Variants in ATRNL1 observed in about 807,000 individuals in gnomAD.
ATRNL1 encodes attractin-like protein 1.
Under a neutral mutation model 182.7 loss-of-function variants are expected in ATRNL1, and 95 were observed. The observed-to-expected ratio is 0.52, with a 90% confidence interval of 0.44 to 0.62. ATRNL1 has a LOEUF of 0.62. ATRNL1 is among the 20% of genes least tolerant of loss of function. ATRNL1 has a pLI of 0.00. For synonymous variants in ATRNL1, 576 were observed against 568.3 expected (o/e 1.01, Z -0.19); for missense variants, 1,471 against 1,679.5 (o/e 0.88, Z 2.17).
chr10:115,593,893 G>A (rs3858323), intron 26 of ATRNL1, among the ~76,000 whole-genome samples: 61,213 of 151,554 alleles, frequency 0.4, 13,189 homozygotes, highest in Middle Eastern at 0.49. Flanking sequence ...TTTTTCTACA[G>A]GTAGTATACA....
intron 27 of ATRNL1, among the ~76,000 whole-genome samples, chr10:115,741,208 A>C (rs1948130636): frequency 6.6e-6 from 1 of 152,208 alleles, no homozygotes; most frequent in African/African-American, 2.4e-5. Context: ...TAATGCCAAA[A>C]GGACAATAAG....
intron 14 of ATRNL1, among the ~76,000 whole-genome samples, chr10:115,284,817 CAATA>C (rs1852530462): frequency 6.6e-6 from 1 of 151,934 alleles, no homozygotes; most frequent in South Asian, 2.1e-4. Context: ...AAATATAAAA[CAATA>C]AAAATAAAAT....
chr10:115,101,354 G>A (rs960965290), intron 1 of ATRNL1, among the ~76,000 whole-genome samples: 7 of 151,494 alleles, frequency 4.6e-5, no homozygotes, highest in African/African-American at 1.7e-4. Context: ...TTTTTTAGAT[G>A]CCTTTTATCA....
chr10:115,389,905 G>A (rs1279547593), intron 19 of ATRNL1, among the ~76,000 whole-genome samples: 1 of 151,890 alleles, frequency 6.6e-6, no homozygotes, highest in Non-Finnish European at 1.5e-5. Flanking sequence ...CGTGTGAGGT[G>A]ATAACTCATT....
chr10:115,691,599 G>T (rs923330003), intron 26 of ATRNL1, among the ~76,000 whole-genome samples: 1 of 152,104 alleles, frequency 6.6e-6, no homozygotes, highest in South Asian at 2.1e-4. Flanking sequence ...GTGCATGCCT[G>T]CAGTCCCAGC....
chr10:115,575,135 A>T (rs1854627805), intron 26 of ATRNL1, among the ~76,000 whole-genome samples: 2 of 152,114 alleles, frequency 1.3e-5, no homozygotes, highest in South Asian at 4.1e-4. Flanking sequence ...ATATTATTTT[A>T]AAATATCAGA....
chr10:115,541,830 A>C (rs1210427605), intron 25 of ATRNL1, among the ~76,000 whole-genome samples: 2 of 152,206 alleles, frequency 1.3e-5, no homozygotes, highest in Non-Finnish European at 2.9e-5. Flanking sequence ...TTTGAGAAGG[A>C]GAGAATGAAT....
At chr10:115,806,957 G>T (rs1949933656) in intron 27 of ATRNL1, among the ~76,000 whole-genome samples, 1 of 152,012 alleles carries the variant, frequency 6.6e-6, no homozygotes, top group African/African-American at 2.4e-5. Flanking sequence ...TCTTACTTTA[G>T]CTATCCCTTT....
intron 20 of ATRNL1, among the ~76,000 whole-genome samples, chr10:115,412,540 C>T (rs1272403397): frequency 6.6e-6 from 1 of 152,156 alleles, no homozygotes; most frequent in African/African-American, 2.4e-5. Flanking sequence ...CAATAGATAA[C>T]TAGTACAAAT....
intron 19 of ATRNL1, among the ~76,000 whole-genome samples, chr10:115,369,224 G>A (rs1372183455): frequency 6.6e-6 from 1 of 150,790 alleles, no homozygotes; most frequent in Non-Finnish European, 1.5e-5. Flanking sequence ...AGAAAATATG[G>A]GGGATGGAGG....
chr10:115,593,448 G>T (rs1555012966), intron 26 of ATRNL1, among the ~76,000 whole-genome samples: 1 of 152,118 alleles, frequency 6.6e-6, no homozygotes, highest in Non-Finnish European at 1.5e-5. Context: ...GCACATTTAT[G>T]GCTAACTGAT....
intron 19 of ATRNL1, among the ~76,000 whole-genome samples, chr10:115,383,486 A>G (rs1858149635): frequency 6.6e-6 from 1 of 151,812 alleles, no homozygotes; most frequent in African/African-American, 2.4e-5. Flanking sequence ...TGTGTATAAG[A>G]CTTGCAGACA....
intron 20 of ATRNL1, among the ~76,000 whole-genome samples, chr10:115,413,556 T>G (rs1845244078): frequency 6.6e-6 from 1 of 152,088 alleles, no homozygotes; most frequent in African/African-American, 2.4e-5. Context: ...TGAATTCCTG[T>G]TTTTTTCCCA....
rs141768856 is a variant in ATRNL1, at chr10:115,218,198, A to G, written c.1532+2318A>G. Reference sequence around the variant, plus strand: ...ACTAGATGGTCCCATTCTGGGGGTGATGGGAGACAGTGACACCGAAAGTGT... The same window carrying G: ...ACTAGATGGTCCCATTCTGGGGGTGGTGGGAGACAGTGACACCGAAAGTGT... On this transcript the variant is annotated intron_variant, in intron 9 of 28. Coordinates refer to ENST00000355044, the MANE Select transcript of ATRNL1 (RefSeq NM_207303.4). Among the ~76,000 whole-genome samples the G allele has an allele frequency of 7.3e-3, 1,103 of 151,544 alleles. 12 individuals carry two copies. Among genetic ancestry groups the G allele is most frequent in the South Asian group, 0.014 (68 of 4,768 alleles).
chr10:115,095,126 C>A (rs1462359540), intron 1 of ATRNL1, among the ~76,000 whole-genome samples: 1 of 152,118 alleles, frequency 6.6e-6, no homozygotes, highest in East Asian at 1.9e-4. Flanking sequence ...AGGCTTCTAA[C>A]AACATGCAGG....
Position 115,162,382 on chromosome 10 carries a change from C to G in ATRNL1, c.1004+2168C>G, listed in dbSNP as rs370233115. The stretch of plus-strand genomic sequence containing the variant: ...TCAGAGGATTGCAGTTATTTGTAGG[C>G]GCAGAAAAGAGCCAGATCAAAGACT... On this transcript the variant is annotated intron_variant, in intron 6 of 28. Coordinates refer to ENST00000355044, the MANE Select transcript of ATRNL1 (RefSeq NM_207303.4). 6.8e-4 allele frequency among the ~76,000 whole-genome samples: 104 copies of G among 151,868 alleles called. 2 individuals carry two copies. The South Asian group carries it at 0.021, about 30-fold the overall frequency.
chr10:115,655,694 GAATAAAACTTAA>G (rs1262702465), intron 26 of ATRNL1, among the ~76,000 whole-genome samples: 2 of 151,992 alleles, frequency 1.3e-5, no homozygotes, highest in African/African-American at 2.4e-5. Flanking sequence ...ATATATTAAT[GAATAAAACTTAA>G]AATAAAACTT....
At chr10:115,811,136 G>T (rs1309447241) in intron 27 of ATRNL1, among the ~76,000 whole-genome samples, 3 of 151,744 alleles carry the variant, frequency 2.0e-5, no homozygotes, top group Non-Finnish European at 4.4e-5. Context: ...TTCCCTTCAA[G>T]CATCCTTTAG....
intron 9 of ATRNL1, among the ~76,000 whole-genome samples, chr10:115,224,530 G>A (rs1250790522): frequency 6.6e-6 from 1 of 152,010 alleles, no homozygotes; most frequent in African/African-American, 2.4e-5. Context: ...TGATAGAAAT[G>A]ATCCATAAAG....
Sources: allele counts gnomAD v4.1 joint callset (sites outside exome capture counted in the v4.1 genomes callset), GRCh38; gene constraint gnomAD v4.1.1; transcripts MANE v1.5; gene names NCBI Gene and HGNC (gene_info 2026-07-23, HGNC 2026-07-21).